Variants in ENDOV observed in about 807,000 individuals in gnomAD.
The protein encoded by ENDOV is hEndoV.
A neutral mutation model predicts 39.4 loss-of-function variants in ENDOV; 37 were observed. The observed-to-expected ratio is 0.94, with a 90% CI of 0.72 to 1.23. ENDOV has a LOEUF of 1.23. ENDOV is among the 50% of genes most tolerant of loss of function. The pLI is 0.00. For synonymous variants in ENDOV, 186 were observed against 163.4 expected (o/e 1.14, Z -1.05); for missense variants, 441 against 375.7 (o/e 1.17, Z -1.44).
At chr17:80,416,590 G>C (rs2081218846) in intron 2 of ENDOV, among the ~76,000 whole-genome samples, 1 of 152,062 alleles carries the variant, frequency 6.6e-6, no homozygotes, top group African/African-American at 2.4e-5. Context: ...ATTTTCATGG[G>C]TGCCCTGGCT....
intron 2 of ENDOV, chr17:80,416,036 G>A (rs2081098881): frequency 4.0e-6 from 2 of 499,904 alleles, no homozygotes; most frequent in Non-Finnish European, 6.9e-6. Flanking sequence ...TCGGGAGTTC[G>A]AGACCAGCCT....
Position 80,419,737 on chromosome 17 carries a change from T to G in ENDOV, c.229-2091T>G. On this transcript the variant is annotated intron_variant, in intron 2 of 9. Coordinates refer to ENST00000518137, the MANE Select transcript of ENDOV (RefSeq NM_173627.5). ...TCTTCACTGGTCAGTGGCCCTCTGG[T>G]CATGCCCTCCGTTCACACAATCCAT... 4.3e-6 allele frequency: 3 copies of G among 695,594 alleles called. No homozygotes were observed. The East Asian group carries it at 8.1e-5, about 19-fold the overall frequency. 43.1% of individuals were successfully genotyped at this position (695,594 alleles called of 1,614,324 possible).
chr17:80,427,944 C>T (rs996087978), intron 7 of ENDOV: 10 of 1,128,828 alleles, frequency 8.9e-6, no homozygotes, highest in Admixed American at 3.2e-5. Context: ...TTCCATGAGT[C>T]GTGCAGCCCT....
At chr17:80,429,643 C>G in intron 8 of ENDOV, 130 bp from the exon 9 acceptor site, 2 of 862,124 alleles carry the variant, frequency 2.3e-6, no homozygotes, top group Non-Finnish European at 3.6e-6. Flanking sequence ...CTGCCCTGCC[C>G]TCTGCCCTGG....
At chr17:80,428,393 C>A (rs143344068) in intron 7 of ENDOV, 5 of 587,944 alleles carry the variant, frequency 8.5e-6, no homozygotes. Context: ...GCTGCCATTG[C>A]GGGGCTTTGA....
At chr17:80,422,498 C>T (rs1203617327) in intron 4 of ENDOV, among the ~76,000 whole-genome samples, 2 of 152,258 alleles carry the variant, frequency 1.3e-5, no homozygotes, top group East Asian at 1.9e-4. Flanking sequence ...CTACAGTGCC[C>T]TGTGCTGGCT....
At chr17:80,423,459 G>T in intron 4 of ENDOV, 61 bp from the exon 5 acceptor site, 4 of 1,474,560 alleles carry the variant, frequency 2.7e-6, no homozygotes, top group Non-Finnish European at 2.7e-6. Context: ...GGCTTGTCCT[G>T]AATCCCTGTG....
intron 7 of ENDOV, among the ~76,000 whole-genome samples, chr17:80,426,387 G>A (rs1387724794): frequency 6.6e-6 from 1 of 152,230 alleles, no homozygotes; most frequent in Admixed American, 6.5e-5. Flanking sequence ...GGTGGCTCAC[G>A]CCTGTAACCC....
At chr17:80,432,252 C>T (rs917033372) in intron 9 of ENDOV, among the ~76,000 whole-genome samples, 15 of 152,098 alleles carry the variant, frequency 9.9e-5, no homozygotes, top group African/African-American at 3.4e-4. Flanking sequence ...ACTCGGTACA[C>T]TCCTAATAAA....
intron 6 of ENDOV, 59 bp downstream of exon 6, chr17:80,425,159 C>A: frequency 6.8e-7 from 1 of 1,461,998 alleles, no homozygotes; most frequent in Non-Finnish European, 9.4e-7. Context: ...CCTTTGCAGG[C>A]AGACACAGGT....
chr17:80,423,614 C>A lies in ENDOV; in HGVS notation c.498C>A (p.Asn166Lys), dbSNP rs756577179. ...TGCAGGTGGATGGGCTGGAGAACAA[C>A]GCCCTGCACAAGGAGAAGGTGAGGA... is the stretch of plus-strand genomic sequence containing the variant. ...KLLQVDGLENNALHKEKIRLL... is the reference protein window; with the variant it reads ...KLLQVDGLENKALHKEKIRLL... Residue 166 changes from asparagine (N) to lysine (K), a missense_variant, in exon 5 of 10, where the codon AAC (asparagine) becomes AAA (lysine). Transcript: ENST00000518137. 4 of 1,552,776 alleles carry A rather than the reference C, an allele frequency of 2.6e-6. No individual in the cohort carries two copies. The African/African-American group carries it at 4.1e-5, about 16-fold the overall frequency.
chr17:80,423,720 C>A, intron 5 of ENDOV, 88 bp downstream of exon 5: 1 of 1,264,884 alleles, frequency 7.9e-7, no homozygotes, highest in Non-Finnish European at 1.1e-6. Flanking sequence ...CTGGACCAGC[C>A]CTTGCCTGCT....
chr17:80,424,485 G>T (rs961542436), intron 5 of ENDOV: 2 of 397,668 alleles, frequency 5.0e-6, no homozygotes, highest in Non-Finnish European at 8.9e-6. Flanking sequence ...CTTGTTCTAA[G>T]CCCCATCATC....
At chr17:80,425,167 G>C in intron 6 of ENDOV, 67 bp downstream of exon 6, 1 of 1,389,898 alleles carries the variant, frequency 7.2e-7, no homozygotes, top group Admixed American at 2.0e-5. Flanking sequence ...GGCAGACACA[G>C]GTGCATGCAG....
At chr17:80,420,094 G>T (rs551387125) in intron 2 of ENDOV, 9 of 212,684 alleles carry the variant, frequency 4.2e-5, no homozygotes, top group South Asian at 7.8e-5. Flanking sequence ...GCGCACATGC[G>T]CTCTTTGTGT....
intron 2 of ENDOV, chr17:80,419,652 T>G (rs1380835325): frequency 1.4e-6 from 1 of 702,816 alleles, no homozygotes; most frequent in Non-Finnish European, 2.6e-6. Flanking sequence ...CTTCTGCTGC[T>G]GGAAACAGCT....
At chr17:80,429,886 C>A (rs576610223) in intron 9 of ENDOV, 55 bp downstream of exon 9, 1 of 1,612,312 alleles carries the variant, frequency 6.2e-7, no homozygotes, top group South Asian at 1.1e-5. Flanking sequence ...GCCCCAAGGC[C>A]AGGCTCCCAG....
At chr17:80,423,951 C>A in intron 5 of ENDOV, 1 of 406,174 alleles carries the variant, frequency 2.5e-6, no homozygotes. Flanking sequence ...CCAGGCTGTC[C>A]CGGGCGCACT....
chr17:80,419,404 GGTGTGTGCTGC>G lies in ENDOV; in HGVS notation c.229-2423_229-2413del, dbSNP rs556563106. 166 of 589,492 alleles carry G rather than the reference GGTGTGTGCTGC, an allele frequency of 2.8e-4. No individual in the cohort carries two copies. The South Asian group carries it at 3.2e-3, about 11-fold the overall frequency. The allele number at this position is 589,492 out of a possible 1,614,324, so 36.5% of individuals were successfully genotyped here. A position where few individuals can be genotyped will look rare whatever the true frequency, so the allele number is the denominator to read the frequency against. On this transcript the variant is annotated intron_variant, in intron 2 of 9. Coordinates refer to ENST00000518137, the MANE Select transcript of ENDOV (RefSeq NM_173627.5). ...CTGTGCCAGATGCTGAGCCATGGCT[GGTGTGTGCTGC>G]TCCGCAGGCCTCTGGCGGAGCCCAT...
Sources: gnomAD v4.1 joint callset for allele counts (sites outside exome capture counted in the v4.1 genomes callset) on GRCh38, gnomAD v4.1.1 for gene constraint, MANE v1.5 for transcripts, NCBI Gene and HGNC (gene_info 2026-07-23, HGNC 2026-07-21) for gene names.